The following NAV3 variants were observed in gnomAD, a reference collection of about 807,000 sequenced individuals.
NAV3 encodes neuron navigator 3.
Under a neutral mutation model 244.7 loss-of-function variants are expected in NAV3, and 87 were observed. That is an observed-to-expected ratio of 0.36 (90% confidence interval 0.30 to 0.42). The LOEUF (loss-of-function observed/expected upper bound fraction) is 0.42. Among genes scored for constraint, NAV3 ranks in the 20% least tolerant of loss-of-function variants. NAV3 has a pLI of 1.00. For synonymous variants in NAV3, 1,126 were observed against 1,042.2 expected, an observed-to-expected ratio of 1.08 and a Z score of -1.55; for missense variants, 2,663 against 2,893.3, an observed-to-expected ratio of 0.92 and a Z score of 1.83.
chr12:78,021,625 T>A (rs1413066249), intron 8 of NAV3, 122 bp from the exon 9 acceptor site: 6 of 627,212 alleles, frequency 9.6e-6, no homozygotes, highest in Non-Finnish European at 1.1e-5. Flanking sequence ...AACATTCCAG[T>A]CATAAAGAAA....
intron 2 of NAV3, among the ~76,000 whole-genome samples, chr12:77,685,184 T>G (rs1414846835): frequency 1.3e-5 from 2 of 152,210 alleles, no homozygotes; most frequent in Non-Finnish European, 2.9e-5. Context: ...AATATTTTTA[T>G]GAATGGGTTA....
chr12:77,770,537 CCTTAGAGGCAG>C (rs1870025494), intron 2 of NAV3, among the ~76,000 whole-genome samples: 1 of 152,126 alleles, frequency 6.6e-6, no homozygotes, highest in African/African-American at 2.4e-5. Context: ...GCTGAATGTG[CCTTAGAGGCAG>C]CTTGCCCCAG....
At chr12:77,670,956 A>G (rs1292851882) in intron 2 of NAV3, among the ~76,000 whole-genome samples, 3 of 152,160 alleles carry the variant, frequency 2.0e-5, no homozygotes, top group African/African-American at 7.2e-5. Context: ...GATAAGAGAA[A>G]GAAATAAAGG....
intron 2 of NAV3, among the ~76,000 whole-genome samples, chr12:77,788,272 G>A (rs1181603687): frequency 2.0e-5 from 3 of 152,290 alleles, no homozygotes; most frequent in Admixed American, 1.3e-4. Context: ...ATGTTGAGAT[G>A]TTTATAGTAA....
In NAV3 at chr12:78,050,029, A is replaced by G; in HGVS notation, c.2060A>G (p.Lys687Arg). 1 of 1,613,328 alleles carries G rather than the reference A, an allele frequency of 6.2e-7. No homozygotes were observed. Among genetic ancestry groups the G allele is most frequent in the Non-Finnish European group, 8.5e-7 (1 of 1,179,754 alleles). Residue 687 changes from lysine (K) to arginine (R), a missense_variant, in exon 10 of 40, where the codon AAA becomes AGA. Lys to Arg is a conservative substitution (Grantham distance 26). Around this residue, in one of 6 missense-constraint regions of NAV3, gnomAD observed 1,521 missense variants for 1,497.0 expected, o/e 1.02. Transcript: ENST00000397909. The stretch of plus-strand genomic sequence containing the variant: ...GAAACAAGAAGAATGAGAACAGTTA[A>G]AAACATAGCAGACTTGAGGCAGAAT... Reference protein sequence around the residue: ...DPETRRMRTVKNIADLRQNLE... With the variant: ...DPETRRMRTVRNIADLRQNLE...
At chr12:77,775,113 T>C (rs1238482861) in intron 2 of NAV3, among the ~76,000 whole-genome samples, 1 of 152,080 alleles carries the variant, frequency 6.6e-6, no homozygotes, top group African/African-American at 2.4e-5. Context: ...TCATTTTGGC[T>C]GGGTGCGGTG....
intron 38 of NAV3, among the ~76,000 whole-genome samples, 170 bp from the exon 39 acceptor site, chr12:78,204,765 T>G (rs1960109245): frequency 6.6e-6 from 1 of 152,186 alleles, no homozygotes; most frequent in South Asian, 2.1e-4. Flanking sequence ...AAGTGAGCTA[T>G]GTAGACAGAT....
rs142919137 is a variant in NAV3 at position 77,893,608 on chromosome 12, TG to T, written c.244-46705del. On this transcript the variant is annotated intron_variant, in intron 1 of 39. Coordinates refer to ENST00000397909, the MANE Select transcript of NAV3 (RefSeq NM_001024383.2). ...CAAACTAAAAAAAAAAAAGAAAACT[TG>T]GGGGGATTGTAATTGTACGCCAGCT... Among the ~76,000 whole-genome samples, 421 of 150,678 alleles carry T rather than the reference TG, an allele frequency of 2.8e-3. 6 individuals carry two copies. In the East Asian group the frequency reaches 0.046, roughly 17 times the overall value.
intron 15 of NAV3, among the ~76,000 whole-genome samples, chr12:78,120,672 C>T (rs300445): frequency 0.055 from 8,312 of 152,040 alleles, 277 homozygotes; most frequent in Non-Finnish European, 0.072. Context: ...TTTTTAAATA[C>T]CCATGTGTTT....
At chr12:78,207,617 G>A (rs1015790904) in intron 39 of NAV3, among the ~76,000 whole-genome samples, 2 of 152,128 alleles carry the variant, frequency 1.3e-5, no homozygotes. Flanking sequence ...GTTGCAGGGA[G>A]AACATCCAAA....
At chr12:78,135,616 AAG>A (rs1169530349) in intron 18 of NAV3, among the ~76,000 whole-genome samples, 1 of 143,456 alleles carries the variant, frequency 7.0e-6, no homozygotes, top group Non-Finnish European at 1.6e-5. Flanking sequence ...TAATTTAAAC[AAG>A]AGTAAATTCA....
At chr12:78,022,559 C>T (rs1283703053) in intron 9 of NAV3, among the ~76,000 whole-genome samples, 1 of 152,058 alleles carries the variant, frequency 6.6e-6, no homozygotes, top group African/African-American at 2.4e-5. Context: ...TATAATAATG[C>T]ATGAAAGTAG....
At chr12:78,186,587 G>A (rs550186932) in intron 31 of NAV3, among the ~76,000 whole-genome samples, 1 of 151,960 alleles carries the variant, frequency 6.6e-6, no homozygotes, top group African/African-American at 2.4e-5. Flanking sequence ...TTTTTATAAG[G>A]TATTGCATAA....
At chr12:77,592,475 C>G (rs910589609) in intron 2 of NAV3, among the ~76,000 whole-genome samples, 7 of 152,098 alleles carry the variant, frequency 4.6e-5, no homozygotes, top group African/African-American at 1.7e-4. Flanking sequence ...CACTCTGAAG[C>G]GATAATCAAA....
At chr12:77,789,218 T>C (rs564431294) in intron 2 of NAV3, among the ~76,000 whole-genome samples, 1 of 152,342 alleles carries the variant, frequency 6.6e-6, no homozygotes, top group Admixed American at 6.5e-5. Flanking sequence ...TGAGATTTCC[T>C]TGAATGCATG....
chr12:78,134,458 A>T (rs575433815), intron 18 of NAV3, among the ~76,000 whole-genome samples: 2 of 152,346 alleles, frequency 1.3e-5, no homozygotes, highest in Admixed American at 6.5e-5. Flanking sequence ...TCCTAGTTAT[A>T]TATATCCAGA....
At chr12:78,102,185 T>C (rs1472722242) in intron 12 of NAV3, among the ~76,000 whole-genome samples, 1 of 152,182 alleles carries the variant, frequency 6.6e-6, no homozygotes, top group Non-Finnish European at 1.5e-5. Flanking sequence ...GCAAGCTAGT[T>C]ACTTCCTAGA....
chr12:78,071,396 G>A (rs1952757515), intron 12 of NAV3, among the ~76,000 whole-genome samples: 1 of 151,762 alleles, frequency 6.6e-6, no homozygotes, highest in South Asian at 2.1e-4. Flanking sequence ...TTTTTGATGG[G>A]GTTGTTTGTT....
chr12:77,654,862 CCT>C (rs1460952412), intron 2 of NAV3, among the ~76,000 whole-genome samples: 1 of 151,292 alleles, frequency 6.6e-6, no homozygotes, highest in Non-Finnish European at 1.5e-5. Flanking sequence ...CTGGAGTGGA[CCT>C]CTAGCAAACT....
Sources: gnomAD v4.1 joint callset for allele counts (sites outside exome capture counted in the v4.1 genomes callset) on GRCh38, gnomAD v4.1.1 for gene constraint, gnomAD v4.1.1 regional missense constraint, MANE v1.5 for transcripts, NCBI Gene and HGNC (gene_info 2026-07-23, HGNC 2026-07-21) for gene names.